Variants in LYPLAL1 observed in about 807,000 individuals in gnomAD.
LYPLAL1 encodes the protein lysophospholipase like 1.
In LYPLAL1, 23 loss-of-function variants were observed where a neutral mutation model predicts 19.7. That is an observed-to-expected ratio of 1.17 (90% CI 0.84 to 1.65). The LOEUF (loss-of-function observed/expected upper bound fraction) is 1.65, where lower values mean the gene tolerates loss of function less well. Ranked by LOEUF, LYPLAL1 falls within the 40% of genes most tolerant of loss-of-function variation. The pLI is 0.00. For synonymous variants in LYPLAL1, 119 were observed against 96.3 expected, an observed-to-expected ratio of 1.24 and a Z score of -1.38; for missense variants, 355 against 279.4, an observed-to-expected ratio of 1.27 and a Z score of -1.93.
At chr1:219,439,973 A>ATATATATATATATATATATG in the LYPLAL1 span, among the ~76,000 whole-genome samples, 2 of 104,000 alleles carry the variant, frequency 1.9e-5, no homozygotes, top group African/African-American at 9.8e-5. Context: ...ATATATATAT[A>ATATATATATATATATATATG]CATATATATA....
chr1:219,307,354 T>C, the LYPLAL1 span, among the ~76,000 whole-genome samples: 2 of 152,174 alleles, frequency 1.3e-5, no homozygotes, highest in South Asian at 4.1e-4. Context: ...TTGAAGATGG[T>C]GGAATGTGAG....
the LYPLAL1 span, among the ~76,000 whole-genome samples, chr1:219,331,237 T>C: frequency 4.7e-3 from 709 of 152,292 alleles, 4 homozygotes; most frequent in Non-Finnish European, 8.4e-3. Context: ...CAACCATTGC[T>C]TGAAGTCACA....
the LYPLAL1 span, among the ~76,000 whole-genome samples, chr1:219,321,603 T>G: frequency 6.6e-6 from 1 of 152,182 alleles, no homozygotes; most frequent in Non-Finnish European, 1.5e-5. Context: ...TAATCCATCT[T>G]GAATTAATTT....
the LYPLAL1 span, among the ~76,000 whole-genome samples, chr1:219,400,495 CTATCT>C: frequency 7.6e-6 from 1 of 131,196 alleles, no homozygotes; most frequent in African/African-American, 2.6e-5. Flanking sequence ...ATCTGTCTAT[CTATCT>C]TTTTTTTTTT....
the LYPLAL1 span, among the ~76,000 whole-genome samples, chr1:219,281,374 G>A: frequency 6.6e-6 from 1 of 152,228 alleles, no homozygotes; most frequent in Non-Finnish European, 1.5e-5. Flanking sequence ...AGATATATTT[G>A]AAAATTGGAA....
At chr1:219,300,529 AC>A in the LYPLAL1 span, among the ~76,000 whole-genome samples, 1 of 107,188 alleles carries the variant, frequency 9.3e-6, no homozygotes, top group Non-Finnish European at 1.8e-5. Flanking sequence ...CTTTATCCTA[AC>A]TTTTTTTTTT....
the LYPLAL1 span, among the ~76,000 whole-genome samples, chr1:219,335,834 A>G: frequency 6.6e-6 from 1 of 151,862 alleles, no homozygotes; most frequent in African/African-American, 2.4e-5. Context: ...AGACAGATAC[A>G]AACCCAATTA....
the LYPLAL1 span, among the ~76,000 whole-genome samples, chr1:219,343,208 A>G: frequency 6.6e-6 from 1 of 152,236 alleles, no homozygotes; most frequent in Non-Finnish European, 1.5e-5. Context: ...TAGAAACAAA[A>G]TTCATGAAAA....
the LYPLAL1 span, among the ~76,000 whole-genome samples, chr1:219,254,103 C>T: frequency 1.3e-5 from 2 of 151,968 alleles, no homozygotes; most frequent in South Asian, 4.1e-4. Context: ...ATCGCAACCC[C>T]TGCTTTTTTC....
chr1:219,302,109 G>A, the LYPLAL1 span, among the ~76,000 whole-genome samples: 2 of 152,286 alleles, frequency 1.3e-5, no homozygotes, highest in South Asian at 2.1e-4. Context: ...CATGCTTCCT[G>A]ACTTTCTCCC....
At chr1:219,292,675 C>T in the LYPLAL1 span, among the ~76,000 whole-genome samples, 5 of 152,192 alleles carry the variant, frequency 3.3e-5, no homozygotes, top group African/African-American at 1.2e-4. Flanking sequence ...TTAGGATATT[C>T]ACTGAACACT....
At chr1:219,380,905 A>G in the LYPLAL1 span, among the ~76,000 whole-genome samples, 1 of 152,216 alleles carries the variant, frequency 6.6e-6, no homozygotes, top group African/African-American at 2.4e-5. Flanking sequence ...ATGCAAAAAC[A>G]GGCACCAGGC....
the LYPLAL1 span, among the ~76,000 whole-genome samples, chr1:219,302,688 G>A: frequency 1.3e-5 from 2 of 152,170 alleles, no homozygotes; most frequent in East Asian, 1.9e-4. Flanking sequence ...GCACACCTTA[G>A]GTTCTCATTA....
chr1:219,436,598 ATAG>A, the LYPLAL1 span, among the ~76,000 whole-genome samples: 3 of 152,154 alleles, frequency 2.0e-5, no homozygotes, highest in Non-Finnish European at 4.4e-5. Context: ...GGGAAGAGGC[ATAG>A]CCAGAGCAGA....
chr1:219,234,170 T>G, the LYPLAL1 span, among the ~76,000 whole-genome samples: 1 of 152,232 alleles, frequency 6.6e-6, no homozygotes, highest in African/African-American at 2.4e-5. Context: ...TTTATGTATG[T>G]GTGTTTGTTA....
chr1:219,276,099 G>C, the LYPLAL1 span, among the ~76,000 whole-genome samples: 2 of 152,134 alleles, frequency 1.3e-5, no homozygotes, highest in Non-Finnish European at 2.9e-5. Flanking sequence ...TTCCCAGCCA[G>C]CCTTTGAAGC....
the LYPLAL1 span, among the ~76,000 whole-genome samples, chr1:219,258,656 G>A: frequency 2.5e-4 from 38 of 151,784 alleles, no homozygotes; most frequent in East Asian, 3.7e-3. Context: ...GGTATAAATC[G>A]GCCATCTTCC....
At chr1:219,338,088 G>A in the LYPLAL1 span, among the ~76,000 whole-genome samples, 1 of 151,894 alleles carries the variant, frequency 6.6e-6, no homozygotes, top group Non-Finnish European at 1.5e-5. Context: ...CTCATTTTAC[G>A]TGGTTTGGAT....
At chr1:219,186,123 A>G (rs1479742424) in intron 2 of LYPLAL1, among the ~76,000 whole-genome samples, 1 of 151,840 alleles carries the variant, frequency 6.6e-6, no homozygotes, top group African/African-American at 2.4e-5. Context: ...ATTTAGAAAC[A>G]TGTTGTTTCC....
Sources: gnomAD v4.1 joint callset for allele counts (sites outside exome capture counted in the v4.1 genomes callset) on GRCh38, gnomAD v4.1.1 for gene constraint, MANE v1.5 for transcripts, NCBI Gene and HGNC (gene_info 2026-07-23, HGNC 2026-07-21) for gene names.